CREBBP: variants seen among roughly 807,000 people sequenced by gnomAD.
CREBBP encodes CREB-binding protein.
Under a neutral mutation model 265.0 loss-of-function variants are expected in CREBBP, and 19 were observed. The ratio of observed to expected loss-of-function variants is 0.07; its 90% CI spans 0.05 to 0.11. The LOEUF is 0.11. Among genes scored for constraint, CREBBP ranks in the 10% least tolerant of loss-of-function variants. The pLI is 1.00. For missense variants in CREBBP, 2,525 were observed against 3,219.0 expected (o/e 0.78, Z 5.22); for synonymous variants, 1,457 against 1,223.7 (o/e 1.19, Z -3.98).
Position 3,841,205 on chromosome 16 carries a change from A to G in CREBBP, c.798+9092T>C, listed in dbSNP as rs527845106. Among the ~76,000 whole-genome samples, 3 of 152,234 alleles carry G rather than the reference A, an allele frequency of 2.0e-5. No individual in the cohort carries two copies. In the East Asian group the frequency reaches 5.8e-4, roughly 29 times the overall value. On this transcript the variant is annotated intron_variant, in intron 2 of 30. Coordinates refer to ENST00000262367, the MANE Select transcript of CREBBP (RefSeq NM_004380.3). ...GTCTGTGTAGTTTGAACGTATCTGAATAACTTCAGTATACTTCAGCTCTAC... is the reference window on the plus strand; with the variant it reads ...GTCTGTGTAGTTTGAACGTATCTGAGTAACTTCAGTATACTTCAGCTCTAC...
chr16:3,795,147 T>C (rs938162340), intron 3 of CREBBP, among the ~76,000 whole-genome samples: 4 of 152,130 alleles, frequency 2.6e-5, no homozygotes, highest in African/African-American at 7.2e-5. Flanking sequence ...CCAAAGCAAT[T>C]CTGAGAAGGA....
chr16:3,777,801 GC>G (rs2053179992), intron 10 of CREBBP, 144 bp from the exon 11 acceptor site: 1 of 1,098,228 alleles, frequency 9.1e-7, no homozygotes, highest in Admixed American at 1.9e-5. Context: ...GTGTTCCAAT[GC>G]CAGCGCACCC....
intron 20 of CREBBP, among the ~76,000 whole-genome samples, 181 bp downstream of exon 20, chr16:3,751,545 T>G (rs578186352): frequency 3.3e-5 from 5 of 152,188 alleles, no homozygotes; most frequent in Non-Finnish European, 7.3e-5. Flanking sequence ...TGAGTCGAGA[T>G]AGTGCCACTG....
intron 1 of CREBBP, among the ~76,000 whole-genome samples, chr16:3,865,041 A>C (rs1286708809): frequency 6.6e-6 from 1 of 152,244 alleles, no homozygotes; most frequent in African/African-American, 2.4e-5. Flanking sequence ...CCTGGGCGAC[A>C]AAGCAAGACT....
chr16:3,770,207 T>C (rs186298315), intron 14 of CREBBP, among the ~76,000 whole-genome samples: 93 of 150,986 alleles, frequency 6.2e-4, no homozygotes, highest in African/African-American at 2.1e-3. Flanking sequence ...AAGATGACAA[T>C]GTCTCGCTCT....
chr16:3,728,649 A>G lies in CREBBP; in HGVS notation c.6398T>C (p.Met2133Thr), dbSNP rs1187864892. The stretch of plus-strand genomic sequence containing the variant: ...GTTCTGCAGGCTGGGCTGCTGGTGC[A>G]TGCCAGGCTGGGGTTGCATGCCGGG... ...SQPGMQPQPG[M>T]HQQPSLQNLN... The change falls in exon 31 of 31, where the codon ATG becomes ACG. Residue 2133 changes from methionine (M) to threonine (T), a missense_variant. Met to Thr is a moderately conservative substitution (Grantham distance 81). Coordinates refer to ENST00000262367, the MANE Select transcript of CREBBP (RefSeq NM_004380.3). The surrounding 1 kb of genome is among the most constrained non-coding windows in gnomAD (Gnocchi z 8.7). The G allele has an allele frequency of 4.3e-6, 7 of 1,613,450 alleles. No individual in the cohort carries two copies. The highest frequency in any genetic ancestry group is 5.9e-6 in the Non-Finnish European group (7 of 1,179,818).
At chr16:3,739,346 C>G in intron 25 of CREBBP, 1 of 567,496 alleles carries the variant, frequency 1.8e-6, no homozygotes. Context: ...TAGGTAAGAG[C>G]GGGTCCCACA....
Position 3,850,407 on chromosome 16 carries a change from C to T in CREBBP, c.688G>A (p.Ala230Thr). 1.2e-6 allele frequency: 2 copies of T among 1,614,252 alleles called. No homozygotes were observed. The highest frequency in any genetic ancestry group is 1.7e-6 in the Non-Finnish European group (2 of 1,180,052). The change falls in exon 2 of 31, where the codon GCC becomes ACC. Residue 230 changes from alanine to threonine, a missense_variant. Coordinates refer to ENST00000262367, the MANE Select transcript of CREBBP (RefSeq NM_004380.3). ...RGAGMPYPTP[A>T]MQGASSSVLA... is the part of the protein sequence containing the mutation. ...ACGCTGCTCGAGGCGCCCTGCATGG[C>T]TGGAGTAGGGTACGGCATTCCAGCT...
At chr16:3,741,295 A>AT (rs2052200689) in intron 23 of CREBBP, 1 of 153,026 alleles carries the variant, frequency 6.5e-6, no homozygotes, top group Non-Finnish European at 1.5e-5. Flanking sequence ...GTTCTTAGTG[A>AT]TTACGTATAG....
chr16:3,828,806 G>A (rs2054288244), intron 2 of CREBBP, among the ~76,000 whole-genome samples: 1 of 152,174 alleles, frequency 6.6e-6, no homozygotes, highest in Non-Finnish European at 1.5e-5. Flanking sequence ...GCAGGAAAGT[G>A]GTTCAGAATA....
At chr16:3,829,789 A>G (rs545054460) in intron 2 of CREBBP, among the ~76,000 whole-genome samples, 6 of 152,250 alleles carry the variant, frequency 3.9e-5, no homozygotes, top group Non-Finnish European at 7.3e-5. Flanking sequence ...AGTACTGGAC[A>G]TGCCAAGGAG....
At chr16:3,811,685 G>A (rs536445106) in intron 2 of CREBBP, among the ~76,000 whole-genome samples, 89 of 152,064 alleles carry the variant, frequency 5.9e-4, no homozygotes, top group African/African-American at 2.1e-3. Flanking sequence ...GTAGAGACAC[G>A]GTTTCATCAT....
At chr16:3,856,262 C>T (rs948228785) in intron 1 of CREBBP, among the ~76,000 whole-genome samples, 1 of 152,148 alleles carries the variant, frequency 6.6e-6, no homozygotes, top group Non-Finnish European at 1.5e-5. Context: ...TAGCTGGGAC[C>T]ACAGGTGTGC....
chr16:3,801,154 T>A (rs1369734495), intron 3 of CREBBP, among the ~76,000 whole-genome samples: 1 of 152,000 alleles, frequency 6.6e-6, no homozygotes, highest in African/African-American at 2.4e-5. Flanking sequence ...GCCAACCAAC[T>A]AGCAGCAAAG....
intron 28 of CREBBP, among the ~76,000 whole-genome samples, chr16:3,734,005 A>C (rs908380526): frequency 1.3e-5 from 2 of 152,246 alleles, no homozygotes; most frequent in Non-Finnish European, 2.9e-5. Context: ...AATATAGACA[A>C]GTAATTTTAA....
intron 2 of CREBBP, among the ~76,000 whole-genome samples, chr16:3,827,391 T>TTTTA (rs755799228): frequency 6.6e-6 from 1 of 152,178 alleles, no homozygotes; most frequent in Non-Finnish European, 1.5e-5. Context: ...TTACTTTTTA[T>TTTTA]TTTATTGATT....
At chr16:3,849,420 T>TGTGTGTG (rs2054743907) in intron 2 of CREBBP, among the ~76,000 whole-genome samples, 3 of 6,784 alleles carry the variant, frequency 4.4e-4, no homozygotes, top group African/African-American at 5.2e-4. Context: ...TGTGTGTGTG[T>TGTGTGTG]GTGTGTGTGT....
Position 3,729,108 on chromosome 16 carries a change from CTGT to C in CREBBP, c.5936_5938del (p.Asn1979del), listed in dbSNP as rs762247274. ...CATGCCCGTGCGTCCTGGGGGCATG[CTGT>C]TGTTGATGTTCACCCGGTACAGGTG... On this transcript the variant is annotated inframe_deletion, in exon 31 of 31. Transcript: ENST00000262367. The C allele has an allele frequency of 1.3e-6, 2 of 1,580,780 alleles. No individual in the cohort carries two copies. The highest frequency in any genetic ancestry group is 1.3e-5 in the African/African-American group (1 of 74,260).
intron 2 of CREBBP, among the ~76,000 whole-genome samples, chr16:3,847,359 C>A (rs940998481): frequency 6.6e-6 from 1 of 152,140 alleles, no homozygotes; most frequent in African/African-American, 2.4e-5. Context: ...CGCCTTTTCC[C>A]TGTGCATCTT....
Sources: gnomAD v4.1 joint callset for allele counts (sites outside exome capture counted in the v4.1 genomes callset) on GRCh38, gnomAD v4.1.1 for gene constraint, Gnocchi (gnomAD v3.1) non-coding constraint, MANE v1.5 for transcripts, NCBI Gene and HGNC (gene_info 2026-07-23, HGNC 2026-07-21) for gene names.